The following USP22 variants were observed in gnomAD, a reference collection of about 807,000 sequenced individuals.
USP22 encodes the protein ubiquitin specific peptidase 22.
USP22 carries 22 observed loss-of-function variants against 68.1 expected under a neutral mutation model. The observed-to-expected ratio is 0.32, with a 90% CI of 0.23 to 0.46. USP22 has a LOEUF of 0.46. USP22 is among the 20% of genes least tolerant of loss of function. The probability of loss-of-function intolerance (pLI) is 1.00; values close to 1 mark genes in which losing one functional copy is unlikely to be tolerated. For synonymous variants in USP22, 279 were observed against 274.2 expected, an observed-to-expected ratio of 1.02 and a Z score of -0.17; for missense variants, 433 against 695.8, an observed-to-expected ratio of 0.62 and a Z score of 4.25.
chr17:21,019,445 C>T (rs778874264), intron 3 of USP22, among the ~76,000 whole-genome samples: 23 of 152,258 alleles, frequency 1.5e-4, no homozygotes, highest in Admixed American at 1.1e-3. Flanking sequence ...ACTACCCCAA[C>T]GCCAATGCCA....
At chr17:21,011,427 A>T (rs1913967058) in intron 7 of USP22, 118 bp from the exon 8 acceptor site, 4 of 1,323,520 alleles carry the variant, frequency 3.0e-6, no homozygotes, top group Middle Eastern at 1.9e-4. Flanking sequence ...TCACAGTGAC[A>T]CTCAGGTGGG....
chr17:21,018,136 G>C, intron 4 of USP22, 25 bp from the exon 5 acceptor site: 1 of 1,544,014 alleles, frequency 6.5e-7, no homozygotes, highest in Non-Finnish European at 8.7e-7. Context: ...CCAGAGAGCA[G>C]GAGTTACCTG....
Position 21,007,912 on chromosome 17 carries a change from G to A in USP22, c.1188C>T (p.Leu396=). Residue 396 remains leucine (L), a synonymous_variant, in exon 9 of 13, where the codon CTC becomes CTT. Coordinates refer to ENST00000261497, the MANE Select transcript of USP22 (RefSeq NM_015276.2). ...CHSYQESTKQ[L]TMKKLPIVAC... ...CTACGATGGGCAGTTTCTTCATAGTGAGCTGCTTTGTGGACTCCTGGTAGC... is the reference window on the plus strand; with the variant it reads ...CTACGATGGGCAGTTTCTTCATAGTAAGCTGCTTTGTGGACTCCTGGTAGC... 6.2e-7 allele frequency: 1 copy of A among 1,614,200 alleles called. No homozygotes were observed. Among genetic ancestry groups the A allele is most frequent in the East Asian group, 2.2e-5 (1 of 44,890 alleles).
chr17:21,024,557 A>AGGTC (rs1972197234), intron 2 of USP22, among the ~76,000 whole-genome samples: 1 of 152,262 alleles, frequency 6.6e-6, no homozygotes, highest in Non-Finnish European at 1.5e-5. Flanking sequence ...CAGAGACCTA[A>AGGTC]ATATGAGAAC....
intron 10 of USP22, among the ~76,000 whole-genome samples, chr17:21,006,334 G>A (rs911806906): frequency 1.3e-5 from 2 of 152,090 alleles, no homozygotes; most frequent in Non-Finnish European, 1.5e-5. Flanking sequence ...TTGCCTTCTC[G>A]CTGTGATCCC....
chr17:21,042,422 G>A, intron 1 of USP22: 1 of 318,052 alleles, frequency 3.1e-6, no homozygotes. Context: ...AAGGAAGAAT[G>A]GGGGAAGGGG....
chr17:21,030,338 T>C (rs1170672297), intron 1 of USP22, among the ~76,000 whole-genome samples: 2 of 152,092 alleles, frequency 1.3e-5, no homozygotes, highest in Non-Finnish European at 2.9e-5. Context: ...TTGTGGTTGG[T>C]TGAACCCACA....
chr17:21,015,622 G>T, intron 6 of USP22, 130 bp downstream of exon 6: 1 of 1,277,098 alleles, frequency 7.8e-7, no homozygotes, highest in Non-Finnish European at 1.0e-6. Flanking sequence ...GACGACAAGG[G>T]CTATGATGAC....
chr17:21,030,288 C>T (rs1469428763), intron 1 of USP22, among the ~76,000 whole-genome samples: 1 of 152,202 alleles, frequency 6.6e-6, no homozygotes, highest in Non-Finnish European at 1.5e-5. Context: ...ATGTTCAGTA[C>T]TGATGCACCT....
rs576667414 is a variant in USP22 at position 21,036,520 on chromosome 17, A to AGGG, written c.171+6142_171+6144dup. On this transcript the variant is annotated intron_variant, in intron 1 of 12. Coordinates refer to ENST00000261497, the MANE Select transcript of USP22 (RefSeq NM_015276.2). ...AACTGTAACTGAGCACTGTACTGTAAGGGGGGGGGGGGTCAAGTCATTTCC... is the reference window on the plus strand; with the variant it reads ...AACTGTAACTGAGCACTGTACTGTAAGGGGGGGGGGGGGGGTCAAGTCATTTCC... Among the ~76,000 whole-genome samples the AGGG allele has an allele frequency of 1.2e-3, 83 of 70,760 alleles. 1 individual carries two copies. Among genetic ancestry groups the AGGG allele is most frequent in the African/African-American group, 3.0e-3 (52 of 17,470 alleles). 46.4% of individuals were successfully genotyped at this position (70,760 alleles called of 152,430 possible).
At chr17:21,043,354 C>T (rs1972476759), upstream of USP22, 2 of 162,372 alleles carry the variant, frequency 1.2e-5, no homozygotes, top group East Asian at 1.8e-4. Context: ...CAGTATAGTC[C>T]GTCTGGTACA....
At chr17:21,026,757 G>C (rs972238709) in intron 2 of USP22, among the ~76,000 whole-genome samples, 36 of 151,828 alleles carry the variant, frequency 2.4e-4, no homozygotes, top group African/African-American at 8.0e-4. Flanking sequence ...TTGAGCCCAG[G>C]AGTTCAAGAC....
chr17:21,014,168 C>T (rs948987258), intron 6 of USP22, among the ~76,000 whole-genome samples: 9 of 152,252 alleles, frequency 5.9e-5, no homozygotes, highest in African/African-American at 2.2e-4. Context: ...GGCCAGGCCA[C>T]CTCGCTGAAC....
intron 1 of USP22, among the ~76,000 whole-genome samples, chr17:21,033,009 G>A (rs1972311253): frequency 6.7e-6 from 1 of 148,256 alleles, no homozygotes; most frequent in Non-Finnish European, 1.5e-5. Context: ...CATATCTTGA[G>A]ACACATTTGC....
intron 7 of USP22, 70 bp from the exon 8 acceptor site, chr17:21,011,379 G>A: frequency 6.5e-7 from 1 of 1,534,666 alleles, no homozygotes; most frequent in Non-Finnish European, 8.8e-7. Flanking sequence ...ACCCGGGGTG[G>A]AAGCCGTTCC....
rs755721505 is a variant in USP22, at chr17:21,004,927, C to CTTG, written c.1383_1385dup (p.Asn461dup). The CTTG allele has an allele frequency of 6.2e-7, 1 of 1,614,212 alleles. No homozygotes were observed. Among genetic ancestry groups the CTTG allele is most frequent in the Non-Finnish European group, 8.5e-7 (1 of 1,180,038 alleles). On this transcript the variant is annotated inframe_insertion and splice_region_variant. Transcript: ENST00000261497. ...CACCCACACCGCTAAGCACCACTTA[C>CTTG]TTGTTGTCATTGTTGAGACTGTCCG...
At chr17:21,029,496 A>G (rs951545296) in intron 1 of USP22, among the ~76,000 whole-genome samples, 2 of 152,246 alleles carry the variant, frequency 1.3e-5, no homozygotes, top group Non-Finnish European at 2.9e-5. Flanking sequence ...AATATCGTAA[A>G]AAGACAAAAA....
intron 2 of USP22, among the ~76,000 whole-genome samples, chr17:21,026,659 A>G (rs1361691372): frequency 5.3e-5 from 5 of 95,116 alleles, no homozygotes; most frequent in Admixed American, 3.3e-4. Flanking sequence ...AATTAGTAGG[A>G]AAAAAAAAAA....
chr17:21,018,853 C>T (rs1342300584), intron 4 of USP22, among the ~76,000 whole-genome samples: 2 of 152,220 alleles, frequency 1.3e-5, no homozygotes, highest in Non-Finnish European at 2.9e-5. Context: ...CCCACACAGA[C>T]GCTGAAGGCT....
Sources: gnomAD v4.1 joint callset for allele counts (sites outside exome capture counted in the v4.1 genomes callset) on GRCh38, gnomAD v4.1.1 for gene constraint, MANE v1.5 for transcripts, NCBI Gene and HGNC (gene_info 2026-07-23, HGNC 2026-07-21) for gene names.